The following ATP2A3 variants were observed in gnomAD, a reference collection of about 807,000 sequenced individuals.
ATP2A3 encodes the protein ATPase sarcoplasmic/endoplasmic reticulum Ca2+ transporting 3, also known as sarcoplasmic/endoplasmic reticulum calcium ATPase 3.
Under a neutral mutation model 106.8 loss-of-function variants are expected in ATP2A3, and 61 were observed. The ratio of observed to expected loss-of-function variants is 0.57; its 90% CI spans 0.46 to 0.71. The LOEUF is 0.71. ATP2A3 is among the 30% of genes least tolerant of loss of function. The pLI is 0.00. For missense variants in ATP2A3, 1,201 were observed against 1,423.5 expected (o/e 0.84, Z 2.52); for synonymous variants, 611 against 609.3 (o/e 1.00, Z -0.04).
In ATP2A3 at chr17:3,936,133, C is replaced by T; in HGVS notation, c.2524+134G>A. The T allele has an allele frequency of 2.5e-6, 3 of 1,207,050 alleles. No individual in the cohort carries two copies. Among genetic ancestry groups the T allele is most frequent in the Non-Finnish European group, 3.6e-6 (3 of 826,690 alleles). 74.8% of individuals were successfully genotyped at this position (1,207,050 alleles called of 1,614,324 possible). On this transcript the variant is annotated intron_variant, in intron 16 of 20. Coordinates refer to ENST00000397041, the MANE Select transcript of ATP2A3 (RefSeq NM_005173.4). The surrounding 1 kb of genome is among the most constrained non-coding windows in gnomAD (Gnocchi z 5.4). ...AGACCCAGATCCCGCCATGCCTGGTCTTTTCCATTACATGAGCTCATACAG... is the reference window on the plus strand; with the variant it reads ...AGACCCAGATCCCGCCATGCCTGGTTTTTTCCATTACATGAGCTCATACAG...
chr17:3,932,388 C>A (rs552305355), intron 17 of ATP2A3, among the ~76,000 whole-genome samples: 1 of 152,212 alleles, frequency 6.6e-6, no homozygotes, highest in Admixed American at 6.5e-5. Context: ...AAGTGATCCA[C>A]CCGCCTCGGC....
rs575315544 is a variant in ATP2A3 at position 3,953,071 on chromosome 17, G to A, written c.219+276C>T. On this transcript the variant is annotated intron_variant, in intron 3 of 20. Coordinates refer to ENST00000397041, the MANE Select transcript of ATP2A3 (RefSeq NM_005173.4). The surrounding 1 kb of genome is among the most constrained non-coding windows in gnomAD (Gnocchi z 5.1). Reference sequence around the variant, plus strand: ...GAGAAACCCTAGGGTACAGCAGGGCGGGGCGGGGGGCAGATGTGAGTTGGG... The same window carrying A: ...GAGAAACCCTAGGGTACAGCAGGGCAGGGCGGGGGGCAGATGTGAGTTGGG... 7.3e-4 allele frequency among the ~76,000 whole-genome samples: 111 copies of A among 152,298 alleles called. 1 individual carries two copies. Among genetic ancestry groups the A allele is most frequent in the African/African-American group, 2.3e-3 (95 of 41,558 alleles).
Position 3,928,852 on chromosome 17 carries a change from C to T in ATP2A3, c.2863-72G>A, listed in dbSNP as rs532774319. 22 of 1,225,142 alleles carry T rather than the reference C, an allele frequency of 1.8e-5. No individual in the cohort carries two copies. The highest frequency in any genetic ancestry group is 8.0e-5 in the Admixed American group (4 of 49,964). 75.9% of individuals were successfully genotyped at this position (1,225,142 alleles called of 1,614,324 possible). A position where few individuals can be genotyped will look rare whatever the true frequency, so the allele number is the denominator to read the frequency against. On this transcript the variant is annotated intron_variant, in intron 19 of 20. Transcript: ENST00000397041. This position sits in a 1 kb window ranked among gnomAD's most constrained non-coding sequence, Gnocchi z 6.1. ...TCCCGTGCCCCAGCCATCTGCTGGC[C>T]TTATCCACCTGGGCTCTGATGGACT... is the stretch of plus-strand genomic sequence containing the variant.
chr17:3,941,681 G>T, intron 12 of ATP2A3, 27 bp from the exon 13 acceptor site: 2 of 1,600,090 alleles, frequency 1.2e-6, no homozygotes, highest in South Asian at 1.1e-5. Context: ...GGGAGAAGAG[G>T]TAACTCATCA....
chr17:3,941,633 C>T lies in ATP2A3; in HGVS notation c.1567G>A (p.Glu523Lys), dbSNP rs755685010. 3 of 1,608,916 alleles carry T rather than the reference C, an allele frequency of 1.9e-6. No homozygotes were observed. Among genetic ancestry groups the T allele is most frequent in the African/African-American group, 1.3e-5 (1 of 74,906 alleles). ...CCCACGCGGACTGAGCTACAGCGCT[C>T]GATCACACTCTCAGGAGCCCCCTGC... ...FVKGAPESVI[E>K]RCSSVRVGSR... Residue 523 changes from glutamate to lysine, a missense_variant, in exon 13 of 21, where the codon GAG becomes AAG. Glu to Lys is a moderately conservative substitution (Grantham distance 56). Coordinates refer to ENST00000397041, the MANE Select transcript of ATP2A3 (RefSeq NM_005173.4).
Position 3,924,902 on chromosome 17 carries a change from G to A in ATP2A3, c.*520C>T, listed in dbSNP as rs1352972104. The A allele has an allele frequency of 6.6e-6, 3 of 454,396 alleles. No homozygotes were observed. The highest frequency in any genetic ancestry group is 6.9e-5 in the East Asian group (1 of 14,414). 28.1% of individuals were successfully genotyped at this position (454,396 alleles called of 1,614,324 possible). A position where few individuals can be genotyped will look rare whatever the true frequency, so the allele number is the denominator to read the frequency against. ...GCCCACCCTCGCTGTACACAGCTGGGCCCAGATGGCCCCTTCTGATCCCCC... is the reference window on the plus strand; with the variant it reads ...GCCCACCCTCGCTGTACACAGCTGGACCCAGATGGCCCCTTCTGATCCCCC... On this transcript the variant is annotated 3_prime_UTR_variant, in exon 21 of 21. Transcript: ENST00000397041. The surrounding 1 kb of genome is among the most constrained non-coding windows in gnomAD (Gnocchi z 6.4).
chr17:3,937,338 C>T (rs33997766), intron 15 of ATP2A3, 78 bp downstream of exon 15: 266,500 of 1,492,202 alleles, frequency 0.18, 24,546 homozygotes, highest in Middle Eastern at 0.23. Flanking sequence ...GCAGCGCATC[C>T]GAGGAACAGG....
chr17:3,961,147 C>T (rs185858658), intron 1 of ATP2A3, among the ~76,000 whole-genome samples: 2 of 152,296 alleles, frequency 1.3e-5, no homozygotes, highest in East Asian at 1.9e-4. Flanking sequence ...TGTATATGCA[C>T]GGACTGTCTT....
In ATP2A3 at chr17:3,924,448, G is replaced by A. The variant is rs2052601108; in HGVS notation, c.*974C>T. The A allele has an allele frequency of 3.9e-6, 1 of 255,122 alleles. No homozygotes were observed. The highest frequency in any genetic ancestry group is 2.3e-5 in the African/African-American group (1 of 43,660). 15.8% of individuals were successfully genotyped at this position (255,122 alleles called of 1,614,324 possible). On this transcript the variant is annotated 3_prime_UTR_variant, in exon 21 of 21. Coordinates refer to ENST00000397041, the MANE Select transcript of ATP2A3 (RefSeq NM_005173.4). The surrounding 1 kb of genome is among the most constrained non-coding windows in gnomAD (Gnocchi z 6.4). ...GTCGTGGGGAGGGGGCAAGGAGTGA[G>A]GCCAAGAGTCCAGGAAGCCCACCAG...
In ATP2A3 at chr17:3,935,277, A is replaced by G. The variant is rs201092174; in HGVS notation, c.2525T>C (p.Val842Ala). 2.5e-6 allele frequency: 4 copies of G among 1,613,452 alleles called. No individual in the cohort carries two copies. The highest frequency in any genetic ancestry group is 1.3e-5 in the African/African-American group (1 of 75,032). ...WLFFRYLAIG[V>A]YVGLATVAAA... ...AGCCACTGTGGCCAGGCCTACGTAC[A>G]CTGCGGGGAAGGGAGGAGACCGGCT... The change falls in exon 17 of 21, where the codon GTG becomes GCG. Residue 842 changes from valine (V) to alanine (A), a missense_variant and splice_region_variant. Physicochemically the swap from Val to Ala is moderately conservative, Grantham distance 64. Around this residue, in one of 2 missense-constraint regions of ATP2A3, gnomAD observed 935 missense variants for 1,176.7 expected, o/e 0.79. Coordinates refer to ENST00000397041, the MANE Select transcript of ATP2A3 (RefSeq NM_005173.4).
At chr17:3,951,551 C>CCCCCCCCCG in intron 4 of ATP2A3, 30 bp downstream of exon 4, 3 of 1,341,322 alleles carry the variant, frequency 2.2e-6, no homozygotes, top group Non-Finnish European at 3.1e-6. Flanking sequence ...AGACCGCCCC[C>CCCCCCCCCG]CGCCCGGTCC....
Position 3,951,562 on chromosome 17 carries a change from C to A in ATP2A3, c.324+19G>T. 6.7e-7 allele frequency: 1 copy of A among 1,486,980 alleles called. No homozygotes were observed. Among genetic ancestry groups the A allele is most frequent in the South Asian group, 1.2e-5 (1 of 83,646 alleles). The allele number at this position is 1,486,980 out of a possible 1,614,324, so 92.1% of individuals were successfully genotyped here. ...TGGGAGACCGCCCCCCGCCCGGTCC[C>A]ACCCCCAGTGCCTCCCACCTGCCAC... On this transcript the variant is annotated intron_variant, in intron 4 of 20. Coordinates refer to ENST00000397041, the MANE Select transcript of ATP2A3 (RefSeq NM_005173.4).
chr17:3,935,474 C>A (rs753951969), intron 16 of ATP2A3, among the ~76,000 whole-genome samples, 197 bp from the exon 17 acceptor site: 30 of 151,998 alleles, frequency 2.0e-4, no homozygotes, highest in Non-Finnish European at 3.4e-4. Context: ...ACCCTTGGCC[C>A]CAGTGCTTGG....
chr17:3,951,561 C>CCCG lies in ATP2A3; in HGVS notation c.324+19_324+20insCGG. ...CTGGGAGACCGCCCCCCGCCCGGTC[C>CCCG]CACCCCCAGTGCCTCCCACCTGCCA... On this transcript the variant is annotated intron_variant, in intron 4 of 20. Transcript: ENST00000397041. 7.5e-7 allele frequency: 1 copy of CCCG among 1,338,052 alleles called. No individual in the cohort carries two copies. Among genetic ancestry groups the CCCG allele is most frequent in the Non-Finnish European group, 1.0e-6 (1 of 956,566 alleles). The allele number at this position is 1,338,052 out of a possible 1,614,324, so 82.9% of individuals were successfully genotyped here. A position where few individuals can be genotyped will look rare whatever the true frequency, so the allele number is the denominator to read the frequency against.
intron 7 of ATP2A3, among the ~76,000 whole-genome samples, chr17:3,948,400 T>G (rs147358737): frequency 6.6e-6 from 1 of 152,178 alleles, no homozygotes; most frequent in African/African-American, 2.4e-5. Flanking sequence ...CCAAGATAGT[T>G]TTTCTGAGGA....
rs1248717849 is a variant in ATP2A3 at position 3,958,729 on chromosome 17, TACACATATATATAGAC to T, written c.119-5035_119-5020del. ...ATATATATATATATACACATATATA[TACACATATATATAGAC>T]ACACATATATATACACACACATATA... is the stretch of plus-strand genomic sequence containing the variant. On this transcript the variant is annotated intron_variant, in intron 1 of 20. Transcript: ENST00000397041. 4.2e-4 allele frequency among the ~76,000 whole-genome samples: 50 copies of T among 117,828 alleles called. 7 individuals carry two copies. In the South Asian group the frequency reaches 8.2e-3, roughly 19 times the overall value. 77.3% of individuals were successfully genotyped at this position (117,828 alleles called of 152,430 possible).
chr17:3,927,780 C>T, intron 20 of ATP2A3: 1 of 985,284 alleles, frequency 1.0e-6, no homozygotes, highest in African/African-American at 1.7e-5. Context: ...TTGCTCAGCC[C>T]CTAGGGAATG....
chr17:3,924,987 C>A lies in ATP2A3; in HGVS notation c.*435G>T. 1 of 386,088 alleles carries A rather than the reference C, an allele frequency of 2.6e-6. No homozygotes were observed. Among genetic ancestry groups the A allele is most frequent in the South Asian group, 2.0e-5 (1 of 49,912 alleles). 23.9% of individuals were successfully genotyped at this position (386,088 alleles called of 1,614,324 possible). On this transcript the variant is annotated 3_prime_UTR_variant, in exon 21 of 21. Coordinates refer to ENST00000397041, the MANE Select transcript of ATP2A3 (RefSeq NM_005173.4). The surrounding 1 kb of genome is among the most constrained non-coding windows in gnomAD (Gnocchi z 6.4). Reference sequence around the variant, plus strand: ...AGAGGTCAGAGCCGGTAAGAAGGACCCCCAGAGTCCTCCGTCAGTGCAGAG... The same window carrying A: ...AGAGGTCAGAGCCGGTAAGAAGGACACCCAGAGTCCTCCGTCAGTGCAGAG...
chr17:3,932,554 C>T (rs992277492), intron 17 of ATP2A3, among the ~76,000 whole-genome samples: 15 of 152,352 alleles, frequency 9.8e-5, no homozygotes, highest in Non-Finnish European at 1.8e-4. Flanking sequence ...ATTGTCCCAC[C>T]GCAGCCTCCC....
Sources: allele counts gnomAD v4.1 joint callset (sites outside exome capture counted in the v4.1 genomes callset), GRCh38; gene constraint gnomAD v4.1.1; regional missense constraint gnomAD v4.1.1; non-coding constraint Gnocchi (gnomAD v3.1); transcripts MANE v1.5; gene names NCBI Gene and HGNC (gene_info 2026-07-23, HGNC 2026-07-21).